Variants in FAM193A observed in about 807,000 individuals in gnomAD.
The protein encoded by FAM193A is protein FAM193A.
In FAM193A, 22 loss-of-function variants were observed where a neutral mutation model predicts 126.5. The ratio of observed to expected loss-of-function variants is 0.17; its 90% CI spans 0.12 to 0.25. FAM193A has a LOEUF of 0.25. Among genes scored for constraint, FAM193A ranks in the 10% least tolerant of loss-of-function variants. The pLI is 1.00. For synonymous variants in FAM193A, 761 were observed against 646.8 expected (o/e 1.18, Z -2.68); for missense variants, 1,675 against 1,672.8 (o/e 1.00, Z -0.02).
At chr4:2,589,891 C>T (rs1393258328) in intron 1 of FAM193A, among the ~76,000 whole-genome samples, 1 of 152,082 alleles carries the variant, frequency 6.6e-6, no homozygotes, top group African/African-American at 2.4e-5. Flanking sequence ...AATCCCAGCA[C>T]TTTGGGAGGC....
At chr4:2,646,228 G>A (rs891503962) in intron 6 of FAM193A, among the ~76,000 whole-genome samples, 2 of 139,232 alleles carry the variant, frequency 1.4e-5, no homozygotes, top group Non-Finnish European at 3.0e-5. Context: ...GGAGTGCAAT[G>A]GTGTGATTTC....
In FAM193A at chr4:2,581,255, C is replaced by CTT. The variant is rs34915273; in HGVS notation, c.256-14815_256-14814dup. Among the ~76,000 whole-genome samples the CTT allele has an allele frequency of 1.4e-3, 185 of 135,904 alleles. 1 individual carries two copies. Among genetic ancestry groups the CTT allele is most frequent in the African/African-American group, 2.6e-3 (95 of 37,092 alleles). 89.2% of individuals were successfully genotyped at this position (135,904 alleles called of 152,430 possible). ...TCTTCCTGAAATATTTTCTTTCTTT[C>CTT]TTTTTTTTTTTTTTTGGAGGTGGAG... On this transcript the variant is annotated intron_variant, in intron 1 of 20. Coordinates refer to ENST00000637812, the MANE Select transcript of FAM193A (RefSeq NM_001366318.2).
intron 13 of FAM193A, among the ~76,000 whole-genome samples, chr4:2,673,635 T>C (rs996669212): frequency 5.9e-5 from 9 of 151,894 alleles, no homozygotes; most frequent in African/African-American, 1.2e-4. Flanking sequence ...ATCTTCATGG[T>C]CCGCCTGGTT....
intron 1 of FAM193A, among the ~76,000 whole-genome samples, chr4:2,557,691 G>A (rs771506879): frequency 2.0e-5 from 3 of 152,106 alleles, no homozygotes; most frequent in Non-Finnish European, 4.4e-5. Flanking sequence ...GGTGGCTCAC[G>A]CCTGTAATCT....
chr4:2,679,359 G>A (rs936207035), intron 13 of FAM193A, among the ~76,000 whole-genome samples: 3 of 144,658 alleles, frequency 2.1e-5, no homozygotes, highest in East Asian at 2.0e-4. Context: ...AGCGATACTC[G>A]TTTGTAGTTT....
In FAM193A at chr4:2,696,228, T is replaced by G. The variant is rs559810497; in HGVS notation, c.3277-135T>G. 56 of 634,736 alleles carry G rather than the reference T, an allele frequency of 8.8e-5. 1 individual carries two copies. Among genetic ancestry groups the G allele is most frequent in the Non-Finnish European group, 1.3e-4 (49 of 377,844 alleles). The allele number at this position is 634,736 out of a possible 1,614,324, so 39.3% of individuals were successfully genotyped here. On this transcript the variant is annotated intron_variant, in intron 17 of 20. Transcript: ENST00000637812. ...TAGGTTTTTCTCTTTTTCTGCTGGT[T>G]GTTGTATTTCCTTATTTTTCACAAC... is the stretch of plus-strand genomic sequence containing the variant.
At chr4:2,680,377 A>G (rs915403885) in intron 13 of FAM193A, among the ~76,000 whole-genome samples, 12 of 152,264 alleles carry the variant, frequency 7.9e-5, no homozygotes, top group African/African-American at 2.2e-4. Context: ...CAGGAGTACA[A>G]TGACATGATC....
At position 2,646,845 on chromosome 4, in the gene FAM193A, C is replaced by A; in HGVS notation, c.1311+13C>A. The stretch of plus-strand genomic sequence containing the variant: ...TGTCGACGAGCAGGTGAGTGCCACC[C>A]GGGACCACCGCACCCCGCGCACATC... On this transcript the variant is annotated intron_variant, in intron 7 of 20. Transcript: ENST00000637812. 2 of 1,606,720 alleles carry A rather than the reference C, an allele frequency of 1.2e-6. No individual in the cohort carries two copies. The highest frequency in any genetic ancestry group is 1.7e-6 in the Non-Finnish European group (2 of 1,176,646).
chr4:2,600,430 T>G (rs1741130584), intron 2 of FAM193A, among the ~76,000 whole-genome samples: 1 of 152,188 alleles, frequency 6.6e-6, no homozygotes, highest in Admixed American at 6.5e-5. Context: ...TGGCCTCAGT[T>G]TACTGCTTCC....
At chr4:2,576,333 C>T (rs1477128613) in intron 1 of FAM193A, among the ~76,000 whole-genome samples, 3 of 151,918 alleles carry the variant, frequency 2.0e-5, no homozygotes, top group Non-Finnish European at 2.9e-5. Flanking sequence ...CTCCTGACCT[C>T]GTGATCCGCC....
intron 20 of FAM193A, among the ~76,000 whole-genome samples, chr4:2,721,390 A>G (rs1720138740): frequency 6.6e-6 from 1 of 151,664 alleles, no homozygotes; most frequent in Admixed American, 6.6e-5. Flanking sequence ...CAGGAAATTG[A>G]CACAGGAGTA....
intron 6 of FAM193A, among the ~76,000 whole-genome samples, chr4:2,644,077 C>T (rs972273185): frequency 6.6e-6 from 1 of 152,116 alleles, no homozygotes; most frequent in Non-Finnish European, 1.5e-5. Context: ...AGATGGAAAC[C>T]TGTTTGCTGA....
At chr4:2,702,536 G>A (rs942526167) in intron 19 of FAM193A, among the ~76,000 whole-genome samples, 5 of 152,100 alleles carry the variant, frequency 3.3e-5, no homozygotes, top group Non-Finnish European at 7.3e-5. Context: ...GGGGGTGTGA[G>A]CATGTGCACA....
At chr4:2,550,326 G>A (rs6857200) in intron 1 of FAM193A, among the ~76,000 whole-genome samples, 49,789 of 151,484 alleles carry the variant, frequency 0.33, 9,610 homozygotes, top group Admixed American at 0.53. Flanking sequence ...TATTACAGGC[G>A]TGAGCCACCA....
chr4:2,713,283 G>C (rs958844569), intron 19 of FAM193A, among the ~76,000 whole-genome samples: 4 of 151,070 alleles, frequency 2.6e-5, no homozygotes, highest in African/African-American at 7.3e-5. Context: ...GCGCGCACCT[G>C]TAGTCCCAGC....
In FAM193A at chr4:2,695,294, AT is replaced by A. The variant is rs957464016; in HGVS notation, c.3276+173del. ...TATGCCCAAAGATTTAGCCATAATG[AT>A]TTTTTTTCTTCATTTTTTACTTTGT... On this transcript the variant is annotated intron_variant, in intron 17 of 20. Transcript: ENST00000637812. 6.8e-4 allele frequency among the ~76,000 whole-genome samples: 103 copies of A among 152,094 alleles called. 2 individuals carry two copies. The highest frequency in any genetic ancestry group is 9.2e-4 in the African/African-American group (38 of 41,494).
intron 15 of FAM193A, among the ~76,000 whole-genome samples, chr4:2,692,846 AG>A (rs1716555200): frequency 1.2e-5 from 1 of 83,092 alleles, no homozygotes. Context: ...TGTCAAAAAA[AG>A]AGAGAGGGAG....
At chr4:2,731,505 G>T (rs1282650148) in intron 20 of FAM193A, among the ~76,000 whole-genome samples, 2 of 151,976 alleles carry the variant, frequency 1.3e-5, no homozygotes, top group Non-Finnish European at 2.9e-5. Context: ...TAATTTAAGG[G>T]CGCTCACAGC....
chr4:2,541,478 GCT>G (rs1231842848), intron 1 of FAM193A, among the ~76,000 whole-genome samples: 3 of 134,884 alleles, frequency 2.2e-5, no homozygotes, highest in Admixed American at 8.2e-5. Flanking sequence ...ACAGAGTCTC[GCT>G]CTGTCACCAG....
Sources: allele counts gnomAD v4.1 joint callset (sites outside exome capture counted in the v4.1 genomes callset), GRCh38; gene constraint gnomAD v4.1.1; transcripts MANE v1.5; gene names NCBI Gene and HGNC (gene_info 2026-07-23, HGNC 2026-07-21).